RIPOR1: variants seen among roughly 807,000 people sequenced by gnomAD.
RIPOR1 encodes RHO family interacting cell polarization regulator 1, also known as rho family-interacting cell polarization regulator 1.
RIPOR1 carries 58 observed loss-of-function variants against 116.5 expected under a neutral mutation model. The observed-to-expected ratio is 0.50, with a 90% CI of 0.40 to 0.62. The LOEUF (loss-of-function observed/expected upper bound fraction) is 0.62. Among genes scored for constraint, RIPOR1 ranks in the 20% least tolerant of loss-of-function variants. The pLI, the probability that RIPOR1 is intolerant of heterozygous loss-of-function variation, is 0.00. For missense variants in RIPOR1, 1,372 were observed against 1,586.2 expected (o/e 0.86, Z 2.29); for synonymous variants, 605 against 650.0 (o/e 0.93, Z 1.05).
chr16:67,538,027 C>G (rs1050296682), intron 1 of RIPOR1: 2 of 203,356 alleles, frequency 9.8e-6, no homozygotes, highest in African/African-American at 4.6e-5. Flanking sequence ...TCCGGGTGCC[C>G]TGGGGGGGGA....
rs572947078 is a variant in RIPOR1, at chr16:67,521,269, A to G, written c.-24+2656A>G. Among the ~76,000 whole-genome samples, 57 of 151,996 alleles carry G rather than the reference A, an allele frequency of 3.8e-4. No homozygotes were observed. The South Asian group carries it at 0.011, about 30-fold the overall frequency. On this transcript the variant is annotated intron_variant, in intron 1 of 1. Transcript: ENST00000562116. ...TCCCAGACGGTGGCGCCAAAGACCA[A>G]CTTTACTTCTTAGGAGCAGAGTCGG...
Position 67,541,720 on chromosome 16 carries a change from C to T in RIPOR1, c.1018C>T (p.Arg340Cys), listed in dbSNP as rs762400610. Residue 340 changes from arginine (R) to cysteine (C), a missense_variant, in exon 12 of 22, where the codon CGC becomes TGC. Physicochemically the swap from Arg to Cys is radical, Grantham distance 180 (BLOSUM62 -3). Transcript: ENST00000042381. The surrounding 1 kb of genome is among the most constrained non-coding windows in gnomAD (Gnocchi z 4.6). ...CAACAAGGCCTCCACAGTCACCAAG[C>T]GCTTCTCCACCTATAGCCAGAGCCC... ...SVNKASTVTK[R>C]FSTYSQSPPD... is the part of the protein sequence containing the mutation. The T allele has an allele frequency of 1.2e-4, 194 of 1,613,958 alleles. No individual in the cohort carries two copies. Among genetic ancestry groups the T allele is most frequent in the Middle Eastern group, 1.6e-4 (1 of 6,082 alleles).
chr16:67,532,402 G>A lies in RIPOR1; in HGVS notation c.-24+3488G>A, dbSNP rs1597622840. 2.0e-5 allele frequency among the ~76,000 whole-genome samples: 3 copies of A among 151,936 alleles called. No individual in the cohort carries two copies. The East Asian group carries it at 5.8e-4, about 29-fold the overall frequency. Reference sequence around the variant, plus strand: ...TGATCGCTTGAGCCCAGGAGTTCAAGGCTGCAGTGAGCTATGAACACACCA... The same window carrying A: ...TGATCGCTTGAGCCCAGGAGTTCAAAGCTGCAGTGAGCTATGAACACACCA... On this transcript the variant is annotated intron_variant, in intron 1 of 21. Transcript: ENST00000042381.
At position 67,543,368 on chromosome 16, in the gene RIPOR1, C is replaced by T; in HGVS notation, c.2499C>T (p.Arg833=). ...SLLMQRQGLT[R]SRASSLSITV... ...CTCAGCAGAGACAAGGTCTGACTCGCAGCCGGGCCTCCAGTCTCAGCATCA... is the reference window on the plus strand; with the variant it reads ...CTCAGCAGAGACAAGGTCTGACTCGTAGCCGGGCCTCCAGTCTCAGCATCA... The change falls in exon 14 of 22, where the codon CGC becomes CGT. Residue 833 remains arginine (R), a synonymous_variant. Transcript: ENST00000042381. This position sits in a 1 kb window ranked among gnomAD's most constrained non-coding sequence, Gnocchi z 4.7. 3 of 1,603,846 alleles carry T rather than the reference C, an allele frequency of 1.9e-6. No homozygotes were observed. Among genetic ancestry groups the T allele is most frequent in the Non-Finnish European group, 2.6e-6 (3 of 1,175,352 alleles).
intron 1 of RIPOR1, among the ~76,000 whole-genome samples, chr16:67,521,177 T>C (rs1036376634): frequency 1.6e-4 from 25 of 152,214 alleles, no homozygotes; most frequent in Non-Finnish European, 2.9e-4. Flanking sequence ...AATCCAGGAC[T>C]GGCCGCCAGG....
In RIPOR1 at chr16:67,544,577, GTATCTC is replaced by G; in HGVS notation, c.2734-117_2734-112del. On this transcript the variant is annotated intron_variant, in intron 15 of 21. Coordinates refer to ENST00000042381, the MANE Select transcript of RIPOR1 (RefSeq NM_024519.4). The surrounding 1 kb of genome is among the most constrained non-coding windows in gnomAD (Gnocchi z 5.1). ...TGGCATCTGGCCCTTGCTGAATGGA[GTATCTC>G]CCAACTCTGCAACCCCAACCTCCCC... 6.5e-7 allele frequency: 1 copy of G among 1,547,800 alleles called. No homozygotes were observed. The highest frequency in any genetic ancestry group is 8.8e-7 in the Non-Finnish European group (1 of 1,140,740).
In RIPOR1 at chr16:67,540,694, T is replaced by C; in HGVS notation, c.791T>C (p.Leu264Pro). Residue 264 changes from leucine (L) to proline (P), a missense_variant, in exon 10 of 22, where the codon CTG becomes CCG. Physicochemically the swap from Leu to Pro is moderately conservative, Grantham distance 98 (BLOSUM62 -3). This residue lies in a region of RIPOR1 where 202 missense variants were observed against 295.9 expected (regional missense o/e 0.68). Coordinates refer to ENST00000042381, the MANE Select transcript of RIPOR1 (RefSeq NM_024519.4). The surrounding 1 kb of genome is among the most constrained non-coding windows in gnomAD (Gnocchi z 4.7). The stretch of plus-strand genomic sequence containing the variant: ...TTTCTCCCTCTACTCACGGAATTTC[T>C]GTCTATTAAGGTGATGTCTCTGCCC... ...TIFLPLLTEF[L>P]SIKVTELKGL... The C allele has an allele frequency of 1.2e-6, 2 of 1,600,192 alleles. No individual in the cohort carries two copies. The highest frequency in any genetic ancestry group is 1.7e-6 in the Non-Finnish European group (2 of 1,172,948).
At position 67,546,519 on chromosome 16, in the gene RIPOR1, G is replaced by T; in HGVS notation, c.*56G>T. 1 of 1,448,010 alleles carries T rather than the reference G, an allele frequency of 6.9e-7. No homozygotes were observed. The highest frequency in any genetic ancestry group is 9.7e-7 in the Non-Finnish European group (1 of 1,033,568). 89.7% of individuals were successfully genotyped at this position (1,448,010 alleles called of 1,614,324 possible). On this transcript the variant is annotated 3_prime_UTR_variant, in exon 22 of 22. Transcript: ENST00000042381. ...TTCCCCCCACTTTCAGGGCTCACCA[G>T]GCACTGGCAGGGAGGGTAAGGGCTG... is the stretch of plus-strand genomic sequence containing the variant.
upstream of RIPOR1, among the ~76,000 whole-genome samples, chr16:67,525,615 G>T (rs1404481243): frequency 6.6e-6 from 1 of 152,054 alleles, no homozygotes; most frequent in Non-Finnish European, 1.5e-5. Flanking sequence ...AGGACTGGGG[G>T]TTCATTGCGG....
Position 67,541,833 on chromosome 16 carries a change from G to A in RIPOR1, c.1081-34G>A. 1 of 1,613,234 alleles carries A rather than the reference G, an allele frequency of 6.2e-7. No homozygotes were observed. Among genetic ancestry groups the A allele is most frequent in the Non-Finnish European group, 8.5e-7 (1 of 1,179,402 alleles). On this transcript the variant is annotated intron_variant, in intron 12 of 21. Coordinates refer to ENST00000042381, the MANE Select transcript of RIPOR1 (RefSeq NM_024519.4). The surrounding 1 kb of genome is among the most constrained non-coding windows in gnomAD (Gnocchi z 4.6). Reference sequence around the variant, plus strand: ...TCACCATCCCCCAGAGGCTCCCTGGGGGTGGTTCTGAAATGCCCTCTCCTC... The same window carrying A: ...TCACCATCCCCCAGAGGCTCCCTGGAGGTGGTTCTGAAATGCCCTCTCCTC...
In RIPOR1 at chr16:67,538,711, G is replaced by A. The variant is rs760718190; in HGVS notation, c.144G>A (p.Lys48=). ...PVFSPPGPPR[K]PPALSRVSRM... The stretch of plus-strand genomic sequence containing the variant: ...TCAGCCCGCCGGGGCCCCCACGGAA[G>A]CCCCCCGCGCTCTCCCGAGTGTCCA... Residue 48 remains lysine (K), a synonymous_variant, in exon 3 of 22, where the codon AAG becomes AAA. Transcript: ENST00000042381. The A allele has an allele frequency of 5.0e-6, 8 of 1,613,184 alleles. No homozygotes were observed. The East Asian group carries it at 1.8e-4, about 36-fold the overall frequency.
rs1411585219 is a variant in RIPOR1 at position 67,544,679 on chromosome 16, C to T, written c.2734-16C>T. The T allele has an allele frequency of 3.1e-6, 5 of 1,612,112 alleles. No individual in the cohort carries two copies. The highest frequency in any genetic ancestry group is 4.2e-6 in the Non-Finnish European group (5 of 1,179,996). ...TACCCTGAGGCCTGAGCTACTTGGC[C>T]ACCCATGTTCTCCAGAAACTGGGCA... On this transcript the variant is annotated splice_polypyrimidine_tract_variant and intron_variant, in intron 15 of 21. Transcript: ENST00000042381. This position sits in a 1 kb window ranked among gnomAD's most constrained non-coding sequence, Gnocchi z 5.1.
chr16:67,543,541 G>A lies in RIPOR1; in HGVS notation c.2600+72G>A. Reference sequence around the variant, plus strand: ...AGGTGAGGCAGGACCAGGGGAAGGTGGAACAGGTGAATTGGGAGAAAGTCA... The same window carrying A: ...AGGTGAGGCAGGACCAGGGGAAGGTAGAACAGGTGAATTGGGAGAAAGTCA... On this transcript the variant is annotated intron_variant, in intron 14 of 21. Transcript: ENST00000042381. The surrounding 1 kb of genome is among the most constrained non-coding windows in gnomAD (Gnocchi z 4.7). 2 of 1,533,716 alleles carry A rather than the reference G, an allele frequency of 1.3e-6. No individual in the cohort carries two copies. The highest frequency in any genetic ancestry group is 2.4e-5 in the East Asian group (1 of 40,854).
At chr16:67,524,625 C>G (rs1406304340), upstream of RIPOR1, among the ~76,000 whole-genome samples, 1 of 152,146 alleles carries the variant, frequency 6.6e-6, no homozygotes, top group African/African-American at 2.4e-5. Flanking sequence ...ATCCTTCAGG[C>G]CTCCCCACCT....
chr16:67,540,274 C>G lies in RIPOR1; in HGVS notation c.568-26C>G. 6.2e-7 allele frequency: 1 copy of G among 1,613,846 alleles called. No individual in the cohort carries two copies. Among genetic ancestry groups the G allele is most frequent in the Non-Finnish European group, 8.5e-7 (1 of 1,179,870 alleles). ...GGGCTAGTGGCTGGCCCTTGACCCC[C>G]TCCTGTCCCTGCCCCTCCCTCCCAG... is the stretch of plus-strand genomic sequence containing the variant. On this transcript the variant is annotated intron_variant, in intron 7 of 21. Coordinates refer to ENST00000042381, the MANE Select transcript of RIPOR1 (RefSeq NM_024519.4). The surrounding 1 kb of genome is among the most constrained non-coding windows in gnomAD (Gnocchi z 4.7).
At chr16:67,521,285 G>A (rs1299445950) in intron 1 of RIPOR1, among the ~76,000 whole-genome samples, 1 of 152,202 alleles carries the variant, frequency 6.6e-6, no homozygotes, top group Non-Finnish European at 1.5e-5. Context: ...CTTCTTAGGA[G>A]CAGAGTCGGG....
At position 67,543,122 on chromosome 16, in the gene RIPOR1, C is replaced by T; in HGVS notation, c.2336C>T (p.Pro779Leu). Residue 779 changes from proline to leucine, a missense_variant, in exon 13 of 22, where the codon CCA becomes CTA. Pro to Leu is a moderately conservative substitution (Grantham distance 98). Transcript: ENST00000042381. This position sits in a 1 kb window ranked among gnomAD's most constrained non-coding sequence, Gnocchi z 4.7. ...CLAMAVQTPVPTAAGGSGDRS... is the reference protein window; with the variant it reads ...CLAMAVQTPVLTAAGGSGDRS... ...GCCATGGCTGTCCAGACCCCAGTCC[C>T]AACGGCAGCCGGAGGGTCTGGGGAC... 2 of 1,524,344 alleles carry T rather than the reference C, an allele frequency of 1.3e-6. No individual in the cohort carries two copies. The highest frequency in any genetic ancestry group is 1.8e-6 in the Non-Finnish European group (2 of 1,138,176). 94.4% of individuals were successfully genotyped at this position (1,524,344 alleles called of 1,614,324 possible).
Position 67,542,823 on chromosome 16 carries a change from C to G in RIPOR1, c.2037C>G (p.Ser679=), listed in dbSNP as rs1177597370. Residue 679 remains serine (S), a synonymous_variant, in exon 13 of 22, where the codon TCC becomes TCG. Transcript: ENST00000042381. The surrounding 1 kb of genome is among the most constrained non-coding windows in gnomAD (Gnocchi z 4.6). The part of the protein sequence containing the change: ...TSPILINVSP[S]TSLELATLSS... ...CCATCCTTATAAATGTAAGCCCTTC[C>G]ACTTCTCTAGAACTTGCTACCCTCT... The G allele has an allele frequency of 6.2e-7, 1 of 1,613,916 alleles. No individual in the cohort carries two copies. Among genetic ancestry groups the G allele is most frequent in the Non-Finnish European group, 8.5e-7 (1 of 1,180,012 alleles).
Position 67,541,579 on chromosome 16 carries a change from G to T in RIPOR1, c.950+1G>T. 1 of 1,614,066 alleles carries T rather than the reference G, an allele frequency of 6.2e-7. No individual in the cohort carries two copies. The highest frequency in any genetic ancestry group is 8.5e-7 in the Non-Finnish European group (1 of 1,179,962). ...AGCTCAGCCTGGAAGTCACATGGAG[G>T]TTGGTGGGGCTGAGAGGCTTGGAGG... On this transcript the variant is annotated splice_donor_variant, in intron 11 of 21. Transcript: ENST00000042381. LOFTEE classifies it high-confidence loss of function. This position sits in a 1 kb window ranked among gnomAD's most constrained non-coding sequence, Gnocchi z 4.6.
Sources: gnomAD v4.1 joint callset for allele counts (sites outside exome capture counted in the v4.1 genomes callset) on GRCh38, gnomAD v4.1.1 for gene constraint, gnomAD v4.1.1 regional missense constraint, Gnocchi (gnomAD v3.1) non-coding constraint, MANE v1.5 for transcripts, NCBI Gene and HGNC (gene_info 2026-07-23, HGNC 2026-07-21) for gene names.